Variants in BUB1B observed in about 807,000 individuals in gnomAD.
BUB1B encodes BUB1 mitotic checkpoint serine/threonine kinase B.
In BUB1B, 86 loss-of-function variants were observed where a neutral mutation model predicts 137.7. The ratio of observed to expected loss-of-function variants is 0.62; its 90% CI spans 0.52 to 0.75. The LOEUF (loss-of-function observed/expected upper bound fraction) is 0.75. Among genes scored for constraint, BUB1B ranks in the 30% least tolerant of loss-of-function variants. The probability of loss-of-function intolerance (pLI) is 0.00; values close to 1 mark genes in which losing one functional copy is unlikely to be tolerated. For synonymous variants in BUB1B, 420 were observed against 417.9 expected (o/e 1.00, Z -0.06); for missense variants, 1,130 against 1,236.9 (o/e 0.91, Z 1.30).
At chr15:40,199,219 A>G (rs576749452) in intron 9 of BUB1B, among the ~76,000 whole-genome samples, 134 of 152,274 alleles carry the variant, frequency 8.8e-4, no homozygotes, top group African/African-American at 3.2e-3. Flanking sequence ...CTCCCTACCC[A>G]GTCAAACATT....
Position 40,185,637 on chromosome 15 carries a change from A to T in BUB1B, c.1053A>T (p.Pro351=). 6.2e-7 allele frequency: 1 copy of T among 1,612,706 alleles called. No homozygotes were observed. Among genetic ancestry groups the T allele is most frequent in the Non-Finnish European group, 8.5e-7 (1 of 1,178,676 alleles). The change falls in exon 8 of 23, where the codon CCA becomes CCT. Residue 351 remains proline, a synonymous_variant. Transcript: ENST00000287598. ...ATGTGGAAGAGACTGCACGACAGCC[A>T]GTTATGTGAGTGTGGTTTTTGGATA... ...TPYVEETARQ[P]VMTPCKIEPS...
intron 20 of BUB1B, among the ~76,000 whole-genome samples, chr15:40,216,108 A>G (rs571925252): frequency 6.6e-6 from 1 of 152,132 alleles, no homozygotes; most frequent in African/African-American, 2.4e-5. Flanking sequence ...TTAATCTATG[A>G]GACATTTTTT....
At chr15:40,179,161 T>C (rs1340195381) in intron 5 of BUB1B, among the ~76,000 whole-genome samples, 2 of 152,104 alleles carry the variant, frequency 1.3e-5, no homozygotes, top group Non-Finnish European at 2.9e-5. Context: ...TCCTTTTTTT[T>C]TTTCCAGGGA....
At chr15:40,161,392 G>T (rs1029476936) in intron 1 of BUB1B, 137 bp downstream of exon 1, 58 of 1,032,186 alleles carry the variant, frequency 5.6e-5, no homozygotes, top group Non-Finnish European at 6.7e-5. Context: ...CCTTCCTTTT[G>T]GAGTAGAATG....
At chr15:40,196,091 G>A (rs369782019) in intron 8 of BUB1B, among the ~76,000 whole-genome samples, 1 of 152,090 alleles carries the variant, frequency 6.6e-6, no homozygotes, top group Admixed American at 6.6e-5. Context: ...CAGTGTTATC[G>A]TCTAGAATTT....
At chr15:40,187,618 A>G (rs887564393) in intron 8 of BUB1B, among the ~76,000 whole-genome samples, 1 of 152,250 alleles carries the variant, frequency 6.6e-6, no homozygotes, top group African/African-American at 2.4e-5. Flanking sequence ...ATAATAATAA[A>G]GAAAAATCAG....
At chr15:40,161,294 AGG>A in intron 1 of BUB1B, 39 bp downstream of exon 1, 6 of 1,602,846 alleles carry the variant, frequency 3.7e-6, no homozygotes, top group Non-Finnish European at 5.1e-6. Flanking sequence ...TGGGCCTGAG[AGG>A]ACACGGCCTG....
intron 8 of BUB1B, among the ~76,000 whole-genome samples, chr15:40,192,090 A>G (rs1019655722): frequency 6.6e-6 from 1 of 152,242 alleles, no homozygotes; most frequent in African/African-American, 2.4e-5. Context: ...TGATATTGAC[A>G]TCTTAAAAAT....
At chr15:40,218,382 A>G (rs753779454) in intron 21 of BUB1B, 74 bp from the exon 22 acceptor site, 18 of 1,113,128 alleles carry the variant, frequency 1.6e-5, no homozygotes, top group South Asian at 1.4e-4. Context: ...ATACCTTTCA[A>G]CTTCCTACCG....
In BUB1B at chr15:40,161,086, G is replaced by A; in HGVS notation, c.-135G>A. ...CTAGGGGTGTGGGCTTGAGGTGGCC[G>A]GTTTGTTAGGGAGTCGTGTACGTGC... On this transcript the variant is annotated 5_prime_UTR_variant, in exon 1 of 23. Coordinates refer to ENST00000287598, the MANE Select transcript of BUB1B (RefSeq NM_001211.6). 3.3e-6 allele frequency: 4 copies of A among 1,208,636 alleles called. No homozygotes were observed. The highest frequency in any genetic ancestry group is 3.0e-5 in the South Asian group (2 of 66,926). 74.9% of individuals were successfully genotyped at this position (1,208,636 alleles called of 1,614,324 possible). A position where few individuals can be genotyped will look rare whatever the true frequency, so the allele number is the denominator to read the frequency against.
At chr15:40,169,240 A>G (rs1300279552) in intron 2 of BUB1B, among the ~76,000 whole-genome samples, 1 of 152,154 alleles carries the variant, frequency 6.6e-6, no homozygotes, top group African/African-American at 2.4e-5. Flanking sequence ...AATTATTTAT[A>G]GTATTATTCT....
chr15:40,212,375 T>A (rs113689540), intron 18 of BUB1B, 124 bp from the exon 19 acceptor site: 2 of 750,682 alleles, frequency 2.7e-6, no homozygotes, highest in African/African-American at 1.7e-5. Context: ...TATAGTAGAT[T>A]TATGCCTTTA....
intron 8 of BUB1B, among the ~76,000 whole-genome samples, chr15:40,195,392 A>T (rs1321970556): frequency 1.3e-5 from 2 of 152,106 alleles, no homozygotes; most frequent in Non-Finnish European, 2.9e-5. Flanking sequence ...ATTGATGGGC[A>T]TTTGGGCTGG....
intron 5 of BUB1B, among the ~76,000 whole-genome samples, chr15:40,181,685 TA>T (rs1186842160): frequency 2.6e-5 from 4 of 152,218 alleles, no homozygotes; most frequent in Non-Finnish European, 5.9e-5. Flanking sequence ...GGCCCATTTT[TA>T]TTGCTCTGTC....
At position 40,170,134 on chromosome 15, in the gene BUB1B, A is replaced by G; in HGVS notation, c.239+13A>G. The G allele has an allele frequency of 6.2e-7, 1 of 1,606,052 alleles. No homozygotes were observed. The highest frequency in any genetic ancestry group is 8.5e-7 in the Non-Finnish European group (1 of 1,172,596). Reference sequence around the variant, plus strand: ...ATGTTTGGGATAGGTGGGTCTTTTTATTTCACAAGGACAATAGAAACATTA... The same window carrying G: ...ATGTTTGGGATAGGTGGGTCTTTTTGTTTCACAAGGACAATAGAAACATTA... On this transcript the variant is annotated intron_variant, in intron 3 of 22. Coordinates refer to ENST00000287598, the MANE Select transcript of BUB1B (RefSeq NM_001211.6).
intron 5 of BUB1B, 151 bp downstream of exon 5, chr15:40,176,824 T>C: frequency 1.2e-6 from 1 of 822,512 alleles, no homozygotes; most frequent in Non-Finnish European, 1.9e-6. Flanking sequence ...TTTAAAAATT[T>C]TATTTATCAT....
rs529861504 is a variant in BUB1B at position 40,220,817 on chromosome 15, A to G, written c.*58A>G. 6.5e-7 allele frequency: 1 copy of G among 1,533,046 alleles called. No individual in the cohort carries two copies. Among genetic ancestry groups the G allele is most frequent in the East Asian group, 2.2e-5 (1 of 44,484 alleles). 95.0% of individuals were successfully genotyped at this position (1,533,046 alleles called of 1,614,324 possible). A position where few individuals can be genotyped will look rare whatever the true frequency, so the allele number is the denominator to read the frequency against. On this transcript the variant is annotated 3_prime_UTR_variant, in exon 23 of 23. Coordinates refer to ENST00000287598, the MANE Select transcript of BUB1B (RefSeq NM_001211.6). ...CAGAGCAATGGTTGTATTGTGGAAC[A>G]CTGAAACTGTATGTGCTGTAATTTA...
At chr15:40,196,471 T>G in intron 8 of BUB1B, 74 bp from the exon 9 acceptor site, 1 of 1,348,140 alleles carries the variant, frequency 7.4e-7, no homozygotes, top group Non-Finnish European at 1.1e-6. Context: ...TAAATTATTT[T>G]TAGCTTCTTT....
intron 2 of BUB1B, among the ~76,000 whole-genome samples, chr15:40,169,062 G>C (rs2037132055): frequency 6.6e-6 from 1 of 151,990 alleles, no homozygotes; most frequent in South Asian, 2.1e-4. Context: ...ATTATTTTTA[G>C]ATCAAACATA....
Sources: allele counts gnomAD v4.1 joint callset (sites outside exome capture counted in the v4.1 genomes callset), GRCh38; gene constraint gnomAD v4.1.1; transcripts MANE v1.5; gene names NCBI Gene and HGNC (gene_info 2026-07-23, HGNC 2026-07-21).